Variants in MAP3K7CL observed in about 807,000 individuals in gnomAD.
MAP3K7CL encodes the protein MAP3K7 C-terminal like.
MAP3K7CL carries 16 observed loss-of-function variants against 18.6 expected under a neutral mutation model. That is an observed-to-expected ratio of 0.86 (90% CI 0.58 to 1.31). The LOEUF is 1.31. MAP3K7CL is among the 50% of genes most tolerant of loss of function. The pLI, the probability that MAP3K7CL is intolerant of heterozygous loss-of-function variation, is 0.00. For synonymous variants in MAP3K7CL, 65 were observed against 66.8 expected, an observed-to-expected ratio of 0.97 and a Z score of 0.13; for missense variants, 163 against 174.4, an observed-to-expected ratio of 0.93 and a Z score of 0.37.
intron 4 of MAP3K7CL, among the ~76,000 whole-genome samples, chr21:29,174,465 A>G (rs957263561): frequency 6.6e-6 from 1 of 152,208 alleles, no homozygotes; most frequent in Non-Finnish European, 1.5e-5. Flanking sequence ...GTTTTTGACT[A>G]CTAAAGAACC....
intron 3 of MAP3K7CL, among the ~76,000 whole-genome samples, chr21:29,151,674 T>A (rs2087279222): frequency 6.6e-6 from 1 of 152,242 alleles, no homozygotes; most frequent in Non-Finnish European, 1.5e-5. Context: ...AGGCTATTGT[T>A]CTCTCATCAA....
chr21:29,091,409 A>G (rs1568929230), intron 1 of MAP3K7CL: 1 of 591,460 alleles, frequency 1.7e-6, no homozygotes, highest in Non-Finnish European at 3.0e-6. Flanking sequence ...CCATCACAAA[A>G]TGAGGTATAG....
At chr21:29,112,518 A>G (rs1278589393) in intron 4 of MAP3K7CL, among the ~76,000 whole-genome samples, 1 of 151,968 alleles carries the variant, frequency 6.6e-6, no homozygotes, top group East Asian at 1.9e-4. Flanking sequence ...TTTATCTCAT[A>G]TATCTGACTT....
intron 4 of MAP3K7CL, among the ~76,000 whole-genome samples, chr21:29,108,577 T>C (rs2086364889): frequency 6.6e-6 from 1 of 152,210 alleles, no homozygotes; most frequent in Non-Finnish European, 1.5e-5. Context: ...CAGTACTGAA[T>C]GTAACCTTAG....
intron 4 of MAP3K7CL, among the ~76,000 whole-genome samples, chr21:29,115,116 C>A (rs2086483700): frequency 6.6e-6 from 1 of 152,058 alleles, no homozygotes; most frequent in African/African-American, 2.4e-5. Flanking sequence ...TTGATGTGTC[C>A]CGCCTCTGCT....
chr21:29,164,789 T>G (rs1238242312), intron 4 of MAP3K7CL, among the ~76,000 whole-genome samples: 2 of 152,218 alleles, frequency 1.3e-5, no homozygotes, highest in African/African-American at 4.8e-5. Context: ...TGGGAAGGAC[T>G]TTCTTGAAAG....
intron 4 of MAP3K7CL, among the ~76,000 whole-genome samples, chr21:29,094,867 G>A (rs1056125708): frequency 6.6e-6 from 1 of 152,076 alleles, no homozygotes; most frequent in Non-Finnish European, 1.5e-5. Context: ...GACCAGCCTG[G>A]GCAATATGGC....
chr21:29,121,119 C>T (rs1178115494), intron 4 of MAP3K7CL, among the ~76,000 whole-genome samples: 2 of 139,268 alleles, frequency 1.4e-5, no homozygotes, highest in South Asian at 2.3e-4. Flanking sequence ...TTCATGAAAC[C>T]GTATTGCAGG....
At chr21:29,143,509 G>A (rs2087054595) in intron 2 of MAP3K7CL, among the ~76,000 whole-genome samples, 1 of 151,408 alleles carries the variant, frequency 6.6e-6, no homozygotes, top group South Asian at 2.1e-4. Flanking sequence ...TGCAACCTCC[G>A]CCTTCTGGGT....
chr21:29,159,397 T>C (rs1036250352), intron 3 of MAP3K7CL, among the ~76,000 whole-genome samples: 2 of 152,148 alleles, frequency 1.3e-5, no homozygotes, highest in African/African-American at 4.8e-5. Flanking sequence ...CCGGCCTTTC[T>C]TACAGGTTGC....
chr21:29,082,517 T>C (rs2085852303), upstream of MAP3K7CL, among the ~76,000 whole-genome samples: 1 of 152,158 alleles, frequency 6.6e-6, no homozygotes, highest in South Asian at 2.1e-4. Flanking sequence ...GCTGGAACAA[T>C]TCAGCTGTGC....
intron 4 of MAP3K7CL, among the ~76,000 whole-genome samples, chr21:29,096,888 A>G (rs983506981): frequency 6.6e-6 from 1 of 152,196 alleles, no homozygotes; most frequent in Non-Finnish European, 1.5e-5. Context: ...TATGGTTGGG[A>G]AATGACAGAG....
rs1399509570 is a variant in MAP3K7CL, at chr21:29,165,166, A to C, written c.248+5110A>C. On this transcript the variant is annotated intron_variant, in intron 4 of 4. Coordinates refer to ENST00000399928, the MANE Select transcript of MAP3K7CL (RefSeq NM_001286620.2). ...TCAACTGTAAAGTTTGCTTTGTTCC[A>C]GATAAAGCATTTTATCTCATCCAGT... Among the ~76,000 whole-genome samples the C allele has an allele frequency of 5.3e-5, 8 of 152,344 alleles. No individual in the cohort carries two copies. In the East Asian group the frequency reaches 1.5e-3, roughly 29 times the overall value.
intron 4 of MAP3K7CL, among the ~76,000 whole-genome samples, chr21:29,102,184 C>G (rs1177558404): frequency 6.6e-6 from 1 of 152,212 alleles, no homozygotes. Context: ...CTTTAGGGAA[C>G]AGAGTGTGGC....
intron 4 of MAP3K7CL, among the ~76,000 whole-genome samples, chr21:29,168,888 A>G (rs772100857): frequency 9.9e-5 from 15 of 152,266 alleles, no homozygotes; most frequent in South Asian, 4.2e-4. Context: ...CTCAAATCCA[A>G]TCTCTGGGGT....
At chr21:29,148,977 T>A (rs2087206831) in intron 2 of MAP3K7CL, among the ~76,000 whole-genome samples, 1 of 152,202 alleles carries the variant, frequency 6.6e-6, no homozygotes, top group Non-Finnish European at 1.5e-5. Context: ...TTCTGATATT[T>A]GCTTGCAAAA....
At chr21:29,152,648 T>A (rs1385694779) in intron 3 of MAP3K7CL, among the ~76,000 whole-genome samples, 1 of 152,186 alleles carries the variant, frequency 6.6e-6, no homozygotes, top group East Asian at 1.9e-4. Context: ...AACCTCGGAT[T>A]TAAATCCCAC....
chr21:29,170,486 C>G (rs946542261), intron 4 of MAP3K7CL, among the ~76,000 whole-genome samples: 2 of 152,158 alleles, frequency 1.3e-5, no homozygotes, highest in African/African-American at 4.8e-5. Context: ...CCATTGTTAT[C>G]CCCATTACCA....
chr21:29,087,131 C>T (rs2085938715), intron 1 of MAP3K7CL, among the ~76,000 whole-genome samples: 1 of 152,066 alleles, frequency 6.6e-6, no homozygotes, highest in Admixed American at 6.6e-5. Context: ...ACTTTTTCAC[C>T]AGCTTTTCCT....
Sources: gnomAD v4.1 joint callset for allele counts (sites outside exome capture counted in the v4.1 genomes callset) on GRCh38, gnomAD v4.1.1 for gene constraint, MANE v1.5 for transcripts, NCBI Gene and HGNC (gene_info 2026-07-23, HGNC 2026-07-21) for gene names.